Variants in SLC12A7 observed in about 807,000 individuals in gnomAD.
SLC12A7 encodes the protein K-Cl cotransporter 4.
SLC12A7 carries 100 observed loss-of-function variants against 120.6 expected under a neutral mutation model. The observed-to-expected ratio is 0.83, with a 90% CI of 0.71 to 0.98. The LOEUF is 0.98. Among genes scored for constraint, SLC12A7 ranks in the 50% least tolerant of loss-of-function variants. The pLI, the probability that SLC12A7 is intolerant of heterozygous loss-of-function variation, is 0.00. For missense variants in SLC12A7, 1,373 were observed against 1,548.1 expected (o/e 0.89, Z 1.90); for synonymous variants, 760 against 678.0 (o/e 1.12, Z -1.88).
intron 1 of SLC12A7, among the ~76,000 whole-genome samples, chr5:1,108,388 G>A (rs976228683): frequency 2.6e-5 from 4 of 152,226 alleles, no homozygotes; most frequent in Admixed American, 1.3e-4. Flanking sequence ...TACACAAAAT[G>A]CATGTCTTGT....
chr5:1,079,590 G>C (rs1166920024), intron 9 of SLC12A7, 94 bp from the exon 10 acceptor site: 2 of 1,012,428 alleles, frequency 2.0e-6, no homozygotes, highest in East Asian at 4.8e-5. Context: ...GCGGTCTCTG[G>C]GGAGACCCCG....
chr5:1,090,038 C>T (rs116740324), intron 3 of SLC12A7, among the ~76,000 whole-genome samples: 1 of 152,276 alleles, frequency 6.6e-6, no homozygotes, highest in Non-Finnish European at 1.5e-5. Flanking sequence ...TTTGAAGACA[C>T]TTCCTGTGAA....
chr5:1,148,828 C>A, the SLC12A7 span, among the ~76,000 whole-genome samples: 4 of 152,182 alleles, frequency 2.6e-5, no homozygotes, highest in East Asian at 1.9e-4. Context: ...TCAGAAAAAA[C>A]TGGTCAGCTT....
rs1443231912 is a variant in SLC12A7, at chr5:1,050,738, T to C, written c.*1622A>G. ...ATCCAGACATGGAGGAGCGTTTTGC[T>C]GCTTAACTCATGCTTAGCCAAGGCA... On this transcript the variant is annotated 3_prime_UTR_variant, in exon 24 of 24. Coordinates refer to ENST00000264930, the MANE Select transcript of SLC12A7 (RefSeq NM_006598.3). 3 of 397,304 alleles carry C rather than the reference T, an allele frequency of 7.6e-6. No homozygotes were observed. Among genetic ancestry groups the C allele is most frequent in the Non-Finnish European group, 8.9e-6 (2 of 225,702 alleles). The allele number at this position is 397,304 out of a possible 1,614,324, so 24.6% of individuals were successfully genotyped here.
chr5:1,096,389 T>C (rs1487242465), intron 1 of SLC12A7, among the ~76,000 whole-genome samples: 1 of 152,106 alleles, frequency 6.6e-6, no homozygotes, highest in African/African-American at 2.4e-5. Flanking sequence ...TAAAATTACA[T>C]GGAAATCAGG....
At position 1,050,946 on chromosome 5, in the gene SLC12A7, C is replaced by G. The variant is rs947807481; in HGVS notation, c.*1414G>C. ...GGGCTGATTCCCTTGGGAGACCATG[C>G]AAGCCAGACGTAGCCCAAGGCCTGG... On this transcript the variant is annotated 3_prime_UTR_variant, in exon 24 of 24. Transcript: ENST00000264930. The G allele has an allele frequency of 1.8e-5, 7 of 398,566 alleles. No homozygotes were observed. Among genetic ancestry groups the G allele is most frequent in the Non-Finnish European group, 2.7e-5 (6 of 226,086 alleles). The allele number at this position is 398,566 out of a possible 1,614,324, so 24.7% of individuals were successfully genotyped here.
intron 8 of SLC12A7, among the ~76,000 whole-genome samples, chr5:1,081,982 C>T (rs545668413): frequency 1.3e-5 from 2 of 151,260 alleles, no homozygotes; most frequent in Non-Finnish European, 2.9e-5. Flanking sequence ...TGGGGAACAA[C>T]ATACTCCTGG....
intron 11 of SLC12A7, chr5:1,078,491 GAGT>G: frequency 1.6e-6 from 1 of 615,066 alleles, no homozygotes; most frequent in Non-Finnish European, 2.9e-6. Flanking sequence ...TCAGGGCTTG[GAGT>G]TGGCTCTGAA....
At chr5:1,126,212 C>G in the SLC12A7 span, among the ~76,000 whole-genome samples, 1 of 152,112 alleles carries the variant, frequency 6.6e-6, no homozygotes, top group East Asian at 1.9e-4. Context: ...TCCCAAGTAG[C>G]TGACAGCTGG....
chr5:1,104,146 C>A (rs1234228537), intron 1 of SLC12A7, among the ~76,000 whole-genome samples: 1 of 152,202 alleles, frequency 6.6e-6, no homozygotes, highest in Non-Finnish European at 1.5e-5. Flanking sequence ...CCACTCCACT[C>A]AATCCCTCCC....
chr5:1,052,582 AAG>A (rs752472362), intron 23 of SLC12A7, 131 bp from the exon 24 acceptor site: 14 of 744,302 alleles, frequency 1.9e-5, no homozygotes, highest in Admixed American at 9.1e-5. Flanking sequence ...CCAAGGTGAA[AAG>A]AGAGGTGGGG....
At chr5:1,067,443 A>T (rs1420502218) in intron 17 of SLC12A7, among the ~76,000 whole-genome samples, 1 of 152,254 alleles carries the variant, frequency 6.6e-6, no homozygotes, top group African/African-American at 2.4e-5. Context: ...CAGCCCCTTT[A>T]TGCGGCTGCT....
chr5:1,081,535 A>C, intron 9 of SLC12A7, 42 bp downstream of exon 9: 1 of 1,574,728 alleles, frequency 6.4e-7, no homozygotes, highest in Non-Finnish European at 8.7e-7. Flanking sequence ...AAAGAGAGGG[A>C]GAGAAAGAAA....
chr5:1,066,874 G>C (rs1488046356), intron 17 of SLC12A7, among the ~76,000 whole-genome samples: 1 of 152,180 alleles, frequency 6.6e-6, no homozygotes, highest in Non-Finnish European at 1.5e-5. Flanking sequence ...TCCAGAACTA[G>C]GAGAGAACAG....
intron 21 of SLC12A7, among the ~76,000 whole-genome samples, chr5:1,059,486 T>C (rs1735962159): frequency 1.3e-5 from 2 of 152,164 alleles, no homozygotes; most frequent in Admixed American, 1.3e-4. Flanking sequence ...ACGTGTGTGA[T>C]ACCAGCCTGG....
At chr5:1,064,662 G>C (rs1346732370) in intron 18 of SLC12A7, among the ~76,000 whole-genome samples, 1 of 151,992 alleles carries the variant, frequency 6.6e-6, no homozygotes, top group Non-Finnish European at 1.5e-5. Context: ...AGGAGACAGT[G>C]AAGGGATAGC....
the SLC12A7 span, among the ~76,000 whole-genome samples, chr5:1,144,222 G>A: frequency 2.0e-5 from 3 of 152,166 alleles, no homozygotes; most frequent in East Asian, 1.9e-4. Context: ...GTTGGCCGGC[G>A]CAGCGCCGGG....
intron 21 of SLC12A7, among the ~76,000 whole-genome samples, chr5:1,057,929 G>A (rs533648695): frequency 7.2e-5 from 11 of 152,332 alleles, no homozygotes; most frequent in South Asian, 6.2e-4. Flanking sequence ...GAGGTGACAC[G>A]TGCTGGCAGA....
Position 1,073,773 on chromosome 5 carries a change from C to T in SLC12A7, c.2101G>A (p.Asp701Asn). 6.8e-7 allele frequency: 1 copy of T among 1,476,290 alleles called. No homozygotes were observed. Among genetic ancestry groups the T allele is most frequent in the East Asian group, 2.6e-5 (1 of 38,436 alleles). 91.4% of individuals were successfully genotyped at this position (1,476,290 alleles called of 1,614,324 possible). A position where few individuals can be genotyped will look rare whatever the true frequency, so the allele number is the denominator to read the frequency against. The change falls in exon 17 of 24, where the codon GAC (aspartate) becomes AAC (asparagine). Residue 701 changes from aspartate (D) to asparagine (N), a missense_variant. Physicochemically the swap from Asp to Asn is conservative, Grantham distance 23 (BLOSUM62 1). Coordinates refer to ENST00000264930, the MANE Select transcript of SLC12A7 (RefSeq NM_006598.3). Reference protein sequence around the residue: ...RPQVLVMLNLDAEQAVKHPRL... With the variant: ...RPQVLVMLNLNAEQAVKHPRL... ...GGGTGCTTCACGGCCTGCTCCGCGT[C>T]CAGGTTCAGCATCACCAGCACCTGG...
Sources: allele counts gnomAD v4.1 joint callset (sites outside exome capture counted in the v4.1 genomes callset), GRCh38; gene constraint gnomAD v4.1.1; transcripts MANE v1.5; gene names NCBI Gene and HGNC (gene_info 2026-07-23, HGNC 2026-07-21).